Variants in DGKH observed in about 807,000 individuals in gnomAD.
The protein encoded by DGKH is diacylglycerol kinase eta, also known as DAG kinase eta.
In DGKH, 90 loss-of-function variants were observed where a neutral mutation model predicts 159.3. That is an observed-to-expected ratio of 0.57 (90% confidence interval 0.48 to 0.67). DGKH has a LOEUF of 0.67. Ranked by LOEUF, DGKH falls within the 30% of genes least tolerant of loss-of-function variation. DGKH has a pLI of 0.00. For synonymous variants in DGKH, 536 were observed against 553.8 expected (o/e 0.97, Z 0.45); for missense variants, 1,181 against 1,506.1 (o/e 0.78, Z 3.57).
At chr13:42,206,852 C>CA (rs1455712127) in intron 21 of DGKH, among the ~76,000 whole-genome samples, 1 of 151,854 alleles carries the variant, frequency 6.6e-6, no homozygotes, top group Non-Finnish European at 1.5e-5. Flanking sequence ...ATCACATCTG[C>CA]AAAGTTCCTT....
At chr13:42,077,063 TTTAC>T (rs1487567078) in intron 1 of DGKH, among the ~76,000 whole-genome samples, 1 of 152,186 alleles carries the variant, frequency 6.6e-6, no homozygotes, top group African/African-American at 2.4e-5. Flanking sequence ...CTTCATAATG[TTTAC>T]TTACTTTCTT....
At chr13:42,114,751 A>C (rs1954933733) in intron 1 of DGKH, among the ~76,000 whole-genome samples, 1 of 152,220 alleles carries the variant, frequency 6.6e-6, no homozygotes, top group African/African-American at 2.4e-5. Context: ...TTTATGCTTA[A>C]GATTTAGAAA....
intron 29 of DGKH, chr13:42,225,240 G>A (rs753912082): frequency 1.3e-6 from 2 of 1,557,056 alleles, no homozygotes; most frequent in Non-Finnish European, 1.7e-6. Context: ...TATTTCCAAT[G>A]TGCTTTAGCA....
At chr13:42,079,073 A>G (rs1443198995) in intron 1 of DGKH, among the ~76,000 whole-genome samples, 1 of 151,276 alleles carries the variant, frequency 6.6e-6, no homozygotes, top group Non-Finnish European at 1.5e-5. Context: ...CATCACACCC[A>G]GCTAATTTTT....
chr13:42,213,846 G>A (rs1025597668), intron 24 of DGKH, among the ~76,000 whole-genome samples: 1 of 152,136 alleles, frequency 6.6e-6, no homozygotes, highest in Admixed American at 6.5e-5. Context: ...CTTGGCCTTA[G>A]TGCCTTCCAG....
intron 28 of DGKH, 45 bp downstream of exon 28, chr13:42,219,839 GA>G (rs1211779225): frequency 6.4e-7 from 1 of 1,561,556 alleles, no homozygotes; most frequent in African/African-American, 1.4e-5. Context: ...TATGAAAAAA[GA>G]GCTGATTAAA....
chr13:42,144,538 T>C (rs1180647196), intron 3 of DGKH, among the ~76,000 whole-genome samples: 1 of 151,836 alleles, frequency 6.6e-6, no homozygotes, highest in African/African-American at 2.4e-5. Context: ...AATACAAAAA[T>C]GGGCAGGGCA....
chr13:42,053,822 A>G (rs1271727092), intron 1 of DGKH, among the ~76,000 whole-genome samples: 3 of 151,968 alleles, frequency 2.0e-5, no homozygotes, highest in Non-Finnish European at 4.4e-5. Flanking sequence ...GGGTTTCACC[A>G]TGTTGGCCAG....
chr13:42,210,692 G>A lies in DGKH; in HGVS notation c.2941G>A (p.Ala981Thr), dbSNP rs778461926. Residue 981 changes from alanine (A) to threonine (T), a missense_variant, in exon 24 of 30, where the codon GCC (alanine) becomes ACC (threonine). By Grantham distance (58) the Ala-to-Thr change is moderately conservative. Coordinates refer to ENST00000337343, the MANE Select transcript of DGKH (RefSeq NM_178009.5). ...CCGAACCCATTTGTACATCCATCAC[G>A]CCATTGACTTGGCAACAGAAGAGGT... ...VLRTHLYIHH[A>T]IDLATEEVSQ... The A allele has an allele frequency of 3.3e-5, 54 of 1,612,020 alleles. 1 individual carries two copies. In the South Asian group the frequency reaches 4.1e-4, roughly 12 times the overall value.
chr13:42,100,921 T>C (rs1954640299), intron 1 of DGKH, among the ~76,000 whole-genome samples: 1 of 152,230 alleles, frequency 6.6e-6, no homozygotes, highest in African/African-American at 2.4e-5. Context: ...CTAGTTACAG[T>C]TCTGCCACAA....
At chr13:42,092,553 A>G (rs1372095932) in intron 1 of DGKH, among the ~76,000 whole-genome samples, 1 of 152,170 alleles carries the variant, frequency 6.6e-6, no homozygotes, top group East Asian at 1.9e-4. Flanking sequence ...GGTGAATCTT[A>G]TTGAGATAGA....
At chr13:42,096,808 A>C (rs777977147) in intron 1 of DGKH, among the ~76,000 whole-genome samples, 2 of 152,200 alleles carry the variant, frequency 1.3e-5, no homozygotes, top group Non-Finnish European at 2.9e-5. Flanking sequence ...CCACATGAGA[A>C]AGGAAAATGT....
chr13:42,047,097 C>T (rs967921266), upstream of DGKH, among the ~76,000 whole-genome samples: 1 of 152,240 alleles, frequency 6.6e-6, no homozygotes, highest in South Asian at 2.1e-4. Flanking sequence ...TTTTGCCCAA[C>T]TCCTTCCTTT....
In DGKH at chr13:42,124,272, G is replaced by A. The variant is rs142843430; in HGVS notation, c.193-3191G>A. The stretch of plus-strand genomic sequence containing the variant: ...ACTGACATGTAGCTAATACTGATAC[G>A]CACTTACTATAACACTCTCAGCCTC... On this transcript the variant is annotated intron_variant, in intron 1 of 29. Transcript: ENST00000337343. 3.1e-3 allele frequency among the ~76,000 whole-genome samples: 460 copies of A among 150,216 alleles called. 4 individuals carry two copies. Among genetic ancestry groups the A allele is most frequent in the African/African-American group, 0.011 (438 of 40,552 alleles).
At chr13:42,138,057 T>G in intron 3 of DGKH, 1 of 984,490 alleles carries the variant, frequency 1.0e-6, no homozygotes, top group Non-Finnish European at 1.2e-6. Context: ...TAGAAATCTT[T>G]AGTCATCTCA....
chr13:42,111,002 A>G (rs555345771), intron 1 of DGKH, among the ~76,000 whole-genome samples: 1 of 152,340 alleles, frequency 6.6e-6, no homozygotes, highest in Admixed American at 6.5e-5. Context: ...ACTATGGCAC[A>G]TGTTTACCTA....
chr13:42,120,775 A>G (rs2137824512), intron 1 of DGKH, among the ~76,000 whole-genome samples: 1 of 151,856 alleles, frequency 6.6e-6, no homozygotes, highest in Middle Eastern at 3.5e-3. Context: ...TCGAAAGTTC[A>G]TGAACCCTCT....
At chr13:42,207,357 T>A (rs984757415) in intron 21 of DGKH, among the ~76,000 whole-genome samples, 3 of 151,174 alleles carry the variant, frequency 2.0e-5, no homozygotes, top group Non-Finnish European at 4.4e-5. Flanking sequence ...ACCTGGCTAA[T>A]TTTTGCATTT....
chr13:42,116,875 A>G (rs1241417512), intron 1 of DGKH, among the ~76,000 whole-genome samples: 1 of 152,254 alleles, frequency 6.6e-6, no homozygotes, highest in Non-Finnish European at 1.5e-5. Flanking sequence ...AAAGCCAGCT[A>G]TATAAAAATT....
Sources: gnomAD v4.1 joint callset for allele counts (sites outside exome capture counted in the v4.1 genomes callset) on GRCh38, gnomAD v4.1.1 for gene constraint, MANE v1.5 for transcripts, NCBI Gene and HGNC (gene_info 2026-07-23, HGNC 2026-07-21) for gene names.